Variants in SDCCAG8 observed in about 807,000 individuals in gnomAD.
SDCCAG8 encodes SHH signaling and ciliogenesis regulator SDCCAG8, also known as serologically defined colon cancer antigen 8.
Under a neutral mutation model 101.8 loss-of-function variants are expected in SDCCAG8, and 74 were observed. The ratio of observed to expected loss-of-function variants is 0.73; its 90% CI spans 0.60 to 0.88. SDCCAG8 has a LOEUF of 0.88. Ranked by LOEUF, SDCCAG8 falls within the 40% of genes least tolerant of loss-of-function variation. SDCCAG8 has a pLI of 0.00. For missense variants in SDCCAG8, 787 were observed against 822.6 expected, an observed-to-expected ratio of 0.96 and a Z score of 0.53; for synonymous variants, 281 against 292.9, an observed-to-expected ratio of 0.96 and a Z score of 0.41.
intron 16 of SDCCAG8, among the ~76,000 whole-genome samples, chr1:243,451,929 A>C (rs2083384800): frequency 6.6e-6 from 1 of 152,196 alleles, no homozygotes; most frequent in South Asian, 2.1e-4. Flanking sequence ...ACTTTGTCTC[A>C]AAAAATAAAA....
At chr1:243,307,701 C>A in intron 7 of SDCCAG8, 1 of 1,317,658 alleles carries the variant, frequency 7.6e-7, no homozygotes, top group Non-Finnish European at 9.7e-7. Flanking sequence ...AGGTTGGATC[C>A]TGGGACAAGA....
At chr1:243,436,167 CTT>C (rs113227267) in intron 16 of SDCCAG8, among the ~76,000 whole-genome samples, 120 of 136,594 alleles carry the variant, frequency 8.8e-4, no homozygotes, top group African/African-American at 1.5e-3. Context: ...TGTTTATCAA[CTT>C]TTTTTTTTTT....
At chr1:243,350,954 T>C (rs2076052209) in intron 12 of SDCCAG8, among the ~76,000 whole-genome samples, 1 of 152,258 alleles carries the variant, frequency 6.6e-6, no homozygotes, top group African/African-American at 2.4e-5. Flanking sequence ...TGTTAGTCTT[T>C]TCTACTTGAA....
At chr1:243,372,361 C>T (rs185926769) in intron 12 of SDCCAG8, among the ~76,000 whole-genome samples, 14 of 151,984 alleles carry the variant, frequency 9.2e-5, no homozygotes, top group African/African-American at 2.2e-4. Flanking sequence ...TTAAAGATGG[C>T]GAAATAATTT....
At position 243,344,371 on chromosome 1, in the gene SDCCAG8, T is replaced by C. The variant is rs369446175; in HGVS notation, c.1473+40T>C. ...AGCATAATTGCAGCAATTATAGATA[T>C]GAGTAACATTCTTTCTCAAGTTGAT... On this transcript the variant is annotated intron_variant, in intron 12 of 17. Transcript: ENST00000366541. The C allele has an allele frequency of 1.8e-4, 228 of 1,266,904 alleles. 1 individual carries two copies. The highest frequency in any genetic ancestry group is 1.3e-4 in the Non-Finnish European group (110 of 868,630). 78.5% of individuals were successfully genotyped at this position (1,266,904 alleles called of 1,614,324 possible). A position where few individuals can be genotyped will look rare whatever the true frequency, so the allele number is the denominator to read the frequency against.
chr1:243,308,314 G>C, intron 8 of SDCCAG8, 137 bp downstream of exon 8: 2 of 1,036,144 alleles, frequency 1.9e-6, no homozygotes, highest in Non-Finnish European at 3.0e-6. Context: ...ATTTTAAAAG[G>C]TTCCTTCATT....
At chr1:243,417,105 A>C (rs942479303) in intron 14 of SDCCAG8, among the ~76,000 whole-genome samples, 1 of 152,242 alleles carries the variant, frequency 6.6e-6, no homozygotes, top group African/African-American at 2.4e-5. Flanking sequence ...ATTGACTCAC[A>C]TAATTCCCTC....
chr1:243,448,138 A>C lies in SDCCAG8; in HGVS notation c.1985+21580A>C, dbSNP rs183426468. On this transcript the variant is annotated intron_variant, in intron 16 of 17. Coordinates refer to ENST00000366541, the MANE Select transcript of SDCCAG8 (RefSeq NM_006642.5). Reference sequence around the variant, plus strand: ...GGCACCCGCATTGCTGAACAATGGGAGGTGTCATCCACAGGTGAAGCTTGA... The same window carrying C: ...GGCACCCGCATTGCTGAACAATGGGCGGTGTCATCCACAGGTGAAGCTTGA... 1.1e-4 allele frequency among the ~76,000 whole-genome samples: 17 copies of C among 152,282 alleles called. No homozygotes were observed. The East Asian group carries it at 2.9e-3, about 26-fold the overall frequency.
chr1:243,438,845 C>T (rs1244797628), intron 16 of SDCCAG8, among the ~76,000 whole-genome samples: 1 of 152,142 alleles, frequency 6.6e-6, no homozygotes, highest in African/African-American at 2.4e-5. Flanking sequence ...AGTTTATTGA[C>T]ATTTTCACCA....
chr1:243,360,364 G>A (rs1205450393), intron 12 of SDCCAG8, among the ~76,000 whole-genome samples: 2 of 151,830 alleles, frequency 1.3e-5, no homozygotes, highest in African/African-American at 4.8e-5. Flanking sequence ...GTGTTAGCCA[G>A]GATAGTCTCG....
At chr1:243,346,904 G>A (rs2075746209) in intron 12 of SDCCAG8, among the ~76,000 whole-genome samples, 1 of 152,142 alleles carries the variant, frequency 6.6e-6, no homozygotes, top group Non-Finnish European at 1.5e-5. Context: ...TTAAAAACAT[G>A]TATGAGGGTA....
chr1:243,356,704 G>T (rs964263163), intron 12 of SDCCAG8, among the ~76,000 whole-genome samples: 8 of 152,022 alleles, frequency 5.3e-5, no homozygotes, highest in African/African-American at 1.7e-4. Flanking sequence ...ATAACTTCAT[G>T]CTAGACATGG....
intron 1 of SDCCAG8, among the ~76,000 whole-genome samples, chr1:243,256,738 G>A (rs2066740575): frequency 6.6e-6 from 1 of 152,212 alleles, no homozygotes; most frequent in African/African-American, 2.4e-5. Context: ...CACCAATCGT[G>A]TGAATATTTT....
chr1:243,455,890 C>G (rs2083705523), intron 16 of SDCCAG8, among the ~76,000 whole-genome samples: 1 of 152,196 alleles, frequency 6.6e-6, no homozygotes, highest in South Asian at 2.1e-4. Flanking sequence ...TAATGTTACT[C>G]AACAAATTAT....
chr1:243,304,429 G>T (rs1321687272), intron 6 of SDCCAG8, among the ~76,000 whole-genome samples: 1 of 152,130 alleles, frequency 6.6e-6, no homozygotes, highest in African/African-American at 2.4e-5. Flanking sequence ...GACCTTATGG[G>T]TTATAACTGT....
In SDCCAG8 at chr1:243,499,924, A is replaced by G; in HGVS notation, c.*139A>G. 1 of 782,134 alleles carries G rather than the reference A, an allele frequency of 1.3e-6. No homozygotes were observed. The highest frequency in any genetic ancestry group is 2.2e-6 in the Non-Finnish European group (1 of 454,890). The allele number at this position is 782,134 out of a possible 1,614,324, so 48.4% of individuals were successfully genotyped here. A position where few individuals can be genotyped will look rare whatever the true frequency, so the allele number is the denominator to read the frequency against. ...CCTGCAGTGGGGCTGGTCCTCATCA[A>G]CGCGGGCGCTGTCCCCGCACGCAGT... is the stretch of plus-strand genomic sequence containing the variant. On this transcript the variant is annotated 3_prime_UTR_variant, in exon 18 of 18. Transcript: ENST00000366541.
At chr1:243,454,913 G>A (rs2083630843) in intron 16 of SDCCAG8, among the ~76,000 whole-genome samples, 1 of 152,044 alleles carries the variant, frequency 6.6e-6, no homozygotes, top group Non-Finnish European at 1.5e-5. Context: ...GATACGGTGG[G>A]AATAAGCTTC....
At chr1:243,272,424 A>G (rs1380147081) in intron 3 of SDCCAG8, among the ~76,000 whole-genome samples, 1 of 152,136 alleles carries the variant, frequency 6.6e-6, no homozygotes, top group South Asian at 2.1e-4. Context: ...AAATTTATAG[A>G]TACAGATTTT....
intron 16 of SDCCAG8, among the ~76,000 whole-genome samples, chr1:243,430,965 G>A (rs542430932): frequency 2.4e-4 from 36 of 152,170 alleles, no homozygotes; most frequent in Non-Finnish European, 4.7e-4. Flanking sequence ...TTGAGAGGCC[G>A]AGGTGTGTGG....
Sources: allele counts gnomAD v4.1 joint callset (sites outside exome capture counted in the v4.1 genomes callset), GRCh38; gene constraint gnomAD v4.1.1; transcripts MANE v1.5; gene names NCBI Gene and HGNC (gene_info 2026-07-23, HGNC 2026-07-21).